Variants in TET2 observed in about 807,000 individuals in gnomAD.
The protein encoded by TET2 is methylcytosine dioxygenase TET2.
TET2 carries 299 observed loss-of-function variants against 142.9 expected under a neutral mutation model. That is an observed-to-expected ratio of 2.09 (90% CI 1.90 to 2.30). The LOEUF (loss-of-function observed/expected upper bound fraction) is 2.30. TET2 is among the 30% of genes most tolerant of loss of function. The pLI is 0.00. For synonymous variants in TET2, 819 were observed against 849.0 expected (o/e 0.96, Z 0.61); for missense variants, 2,418 against 2,378.0 (o/e 1.02, Z -0.35).
chr4:105,241,942 T>C, intron 4 of TET2: 1 of 1,168,406 alleles, frequency 8.6e-7, no homozygotes. Flanking sequence ...AGCTGCCTTT[T>C]TTTTTTTTTT....
At position 105,235,877 on chromosome 4, in the gene TET2, T is replaced by TA; in HGVS notation, c.1936dup (p.Thr646AsnfsTer35). The TA allele has an allele frequency of 6.2e-7, 1 of 1,613,990 alleles. No individual in the cohort carries two copies. Among genetic ancestry groups the TA allele is most frequent in the Non-Finnish European group, 8.5e-7 (1 of 1,179,984 alleles). ...AAATGAATCAAGGGCAGTCCCAAGG[T>TA]ACAGTGGACCAACATCTCCAGTTCC... On this transcript the variant is annotated frameshift_variant, in exon 3 of 11. Transcript: ENST00000380013. LOFTEE classifies it high-confidence loss of function.
chr4:105,167,135 T>A (rs143529054), intron 1 of TET2, among the ~76,000 whole-genome samples: 31 of 152,196 alleles, frequency 2.0e-4, no homozygotes, highest in African/African-American at 7.2e-4. Flanking sequence ...CATCTGTTTA[T>A]CTCTGTATAT....
chr4:105,243,701 C>T lies in TET2; in HGVS notation c.3726C>T (p.Asp1242=). The T allele has an allele frequency of 6.4e-7, 1 of 1,551,610 alleles. No individual in the cohort carries two copies. Among genetic ancestry groups the T allele is most frequent in the Non-Finnish European group, 8.7e-7 (1 of 1,146,958 alleles). The change falls in exon 6 of 11, where the codon GAC becomes GAT. Residue 1242 remains aspartate (D), a synonymous_variant. Transcript: ENST00000380013. ...VWEGIPLSLA[D]KLYSELTETL... ...AAGGAATCCCGCTGTCTCTGGCTGA[C>T]AAACTCTACTCGGAGCTTACCGAGA...
At chr4:105,262,822 A>G (rs1730505414) in intron 8 of TET2, among the ~76,000 whole-genome samples, 1 of 151,816 alleles carries the variant, frequency 6.6e-6, no homozygotes, top group African/African-American at 2.4e-5. Context: ...TGGAGGTTGC[A>G]GTGAGCCGAA....
At chr4:105,204,256 CACACACACACACAT>C (rs1227863549) in intron 2 of TET2, among the ~76,000 whole-genome samples, 39 of 146,500 alleles carry the variant, frequency 2.7e-4, no homozygotes, top group African/African-American at 8.7e-4. Flanking sequence ...CACACACACA[CACACACACACACAT>C]ACATACATAC....
chr4:105,184,974 G>A (rs10010281), intron 1 of TET2, among the ~76,000 whole-genome samples: 4 of 152,062 alleles, frequency 2.6e-5, no homozygotes, highest in Non-Finnish European at 4.4e-5. Context: ...AAAGGGAAGG[G>A]AAGGACTAAA....
chr4:105,211,693 A>G (rs1040188137), intron 2 of TET2, among the ~76,000 whole-genome samples: 8 of 152,306 alleles, frequency 5.3e-5, no homozygotes, highest in African/African-American at 1.9e-4. Flanking sequence ...TTTTTAATTG[A>G]GCCGTGAAAG....
chr4:105,220,580 C>T (rs1334536313), intron 2 of TET2, among the ~76,000 whole-genome samples: 2 of 152,068 alleles, frequency 1.3e-5, no homozygotes, highest in African/African-American at 2.4e-5. Flanking sequence ...GGAGATTGGG[C>T]AGGACTGAGG....
At chr4:105,162,074 A>C (rs1404120845) in intron 1 of TET2, among the ~76,000 whole-genome samples, 1 of 152,252 alleles carries the variant, frequency 6.6e-6, no homozygotes, top group African/African-American at 2.4e-5. Flanking sequence ...ATATGTTGAA[A>C]GTGCACAGAA....
chr4:105,156,137 G>C (rs1336630510), intron 1 of TET2, among the ~76,000 whole-genome samples: 1 of 152,176 alleles, frequency 6.6e-6, no homozygotes, highest in Non-Finnish European at 1.5e-5. Flanking sequence ...TTTGAGTGTA[G>C]TACTTCATCT....
At chr4:105,172,132 G>A (rs1339400427) in intron 1 of TET2, among the ~76,000 whole-genome samples, 2 of 152,036 alleles carry the variant, frequency 1.3e-5, no homozygotes, top group Non-Finnish European at 2.9e-5. Flanking sequence ...GTGTCTATTT[G>A]CAATGCATCA....
chr4:105,200,679 G>T lies in TET2; in HGVS notation c.-47+10174G>T, dbSNP rs1037580531. 8.4e-5 allele frequency among the ~76,000 whole-genome samples: 10 copies of T among 119,360 alleles called. 1 individual carries two copies. Among genetic ancestry groups the T allele is most frequent in the Admixed American group, 2.5e-4 (3 of 11,794 alleles). The allele number at this position is 119,360 out of a possible 152,430, so 78.3% of individuals were successfully genotyped here. On this transcript the variant is annotated intron_variant, in intron 2 of 10. Transcript: ENST00000380013. Reference sequence around the variant, plus strand: ...TTTTTGTTTTTGTTTTTGTTTTTTTGGAGATGGAGTCTCACGCTGTCACCA... The same window carrying T: ...TTTTTGTTTTTGTTTTTGTTTTTTTTGAGATGGAGTCTCACGCTGTCACCA...
At chr4:105,238,839 T>A in intron 3 of TET2, 1 of 239,462 alleles carries the variant, frequency 4.2e-6, no homozygotes, top group Non-Finnish European at 8.9e-6. Context: ...AGGCTTTCAA[T>A]GTACTTTGCC....
intron 2 of TET2, among the ~76,000 whole-genome samples, chr4:105,232,966 C>A (rs1455662067): frequency 1.3e-5 from 2 of 152,016 alleles, no homozygotes; most frequent in African/African-American, 4.8e-5. Flanking sequence ...CAAGTTTAAG[C>A]CAGTGTGTTA....
intron 1 of TET2, among the ~76,000 whole-genome samples, chr4:105,156,021 C>T (rs1723549739): frequency 6.6e-6 from 1 of 152,142 alleles, no homozygotes; most frequent in African/African-American, 2.4e-5. Context: ...GACTAGCTTA[C>T]TTGTCTTCAC....
intron 1 of TET2, among the ~76,000 whole-genome samples, chr4:105,149,859 T>C (rs990648267): frequency 6.6e-6 from 1 of 152,212 alleles, no homozygotes; most frequent in Non-Finnish European, 1.5e-5. Context: ...CATTGGCAAG[T>C]GAATATCACT....
chr4:105,234,725 C>T lies in TET2; in HGVS notation c.783C>T (p.Ser261=). ...AINSQATNEL[S]CEITHPSHTS... is the part of the protein sequence containing the mutation. ...ACAGTCAGGCTACTAATGAGTTGTC[C>T]TGTGAGATCACTCACCCATCGCATA... Residue 261 remains serine (S), a synonymous_variant, in exon 3 of 11, where the codon TCC becomes TCT. Coordinates refer to ENST00000380013, the MANE Select transcript of TET2 (RefSeq NM_001127208.3). 6.2e-7 allele frequency: 1 copy of T among 1,614,056 alleles called. No homozygotes were observed. The highest frequency in any genetic ancestry group is 1.3e-5 in the African/African-American group (1 of 75,048).
At chr4:105,176,034 T>A (rs1194540117) in intron 1 of TET2, among the ~76,000 whole-genome samples, 1 of 152,172 alleles carries the variant, frequency 6.6e-6, no homozygotes, top group Non-Finnish European at 1.5e-5. Flanking sequence ...TTGTTGCCAG[T>A]GGACCACCCT....
intron 1 of TET2, among the ~76,000 whole-genome samples, chr4:105,152,100 A>G (rs1263838002): frequency 6.6e-6 from 1 of 152,106 alleles, no homozygotes; most frequent in East Asian, 1.9e-4. Context: ...CAACATGGTG[A>G]AACCCCATCT....
Sources: gnomAD v4.1 joint callset for allele counts (sites outside exome capture counted in the v4.1 genomes callset) on GRCh38, gnomAD v4.1.1 for gene constraint, MANE v1.5 for transcripts, NCBI Gene and HGNC (gene_info 2026-07-23, HGNC 2026-07-21) for gene names.